KLHL8: variants seen among roughly 807,000 people sequenced by gnomAD.
The protein encoded by KLHL8 is kelch-like protein 8.
KLHL8 carries 38 observed loss-of-function variants against 63.5 expected under a neutral mutation model. That is an observed-to-expected ratio of 0.60 (90% CI 0.46 to 0.78). The LOEUF (loss-of-function observed/expected upper bound fraction) is 0.78. KLHL8 is among the 30% of genes least tolerant of loss of function. KLHL8 has a pLI of 0.00. For synonymous variants in KLHL8, 224 were observed against 254.3 expected (o/e 0.88, Z 1.13); for missense variants, 566 against 752.4 (o/e 0.75, Z 2.90).
At chr4:87,204,311 T>C (rs1381867092) in intron 1 of KLHL8, among the ~76,000 whole-genome samples, 3 of 151,276 alleles carry the variant, frequency 2.0e-5, no homozygotes, top group African/African-American at 7.3e-5. Context: ...CAATACCAAG[T>C]GCTGGTGAGG....
chr4:87,192,229 A>G (rs892428623), intron 2 of KLHL8, among the ~76,000 whole-genome samples: 2 of 152,182 alleles, frequency 1.3e-5, no homozygotes, highest in African/African-American at 4.8e-5. Flanking sequence ...CATTCCCACC[A>G]ACAGTGTATA....
At chr4:87,183,075 G>T (rs563851184) in intron 4 of KLHL8, 128 bp downstream of exon 4, 6 of 573,096 alleles carry the variant, frequency 1.0e-5, no homozygotes, top group African/African-American at 9.5e-5. Context: ...ATATAAAACC[G>T]TATTTGCCAA....
intron 1 of KLHL8, among the ~76,000 whole-genome samples, chr4:87,206,409 T>TC (rs1418798105): frequency 6.6e-6 from 1 of 152,228 alleles, no homozygotes; most frequent in Non-Finnish European, 1.5e-5. Flanking sequence ...TAGTCTACCT[T>TC]CCAGTCTTTT....
At chr4:87,236,453 C>T (rs991285099) in intron 1 of KLHL8, among the ~76,000 whole-genome samples, 16 of 151,872 alleles carry the variant, frequency 1.1e-4, no homozygotes, top group African/African-American at 3.6e-4. Context: ...ATGATCTGCC[C>T]GCCTCGGCCT....
rs1733002698 is a variant in KLHL8 at position 87,226,759 on chromosome 4, TTATATATAATATATATTATATATATAA to T, written n.58-5396_58-5370del. ...ATTATTTATATATAATATATATTATTTATATATAATATATATTATATATATAATATATATTATATATAATATATATTA... is the reference window on the plus strand; with the variant it reads ...ATTATTTATATATAATATATATTATTTATATATTATATATAATATATATTA... On this transcript the variant is annotated intron_variant and non_coding_transcript_variant, in intron 1 of 1. Transcript: ENST00000506274. Among the ~76,000 whole-genome samples the T allele has an allele frequency of 8.5e-4, 5 of 5,894 alleles. 2 individuals are homozygous for T. Among genetic ancestry groups the T allele is most frequent in the African/African-American group, 4.1e-3 (5 of 1,220 alleles). The allele number at this position is 5,894 out of a possible 152,430, so 3.9% of individuals were successfully genotyped here.
intron 1 of KLHL8, among the ~76,000 whole-genome samples, chr4:87,239,551 G>T (rs1733292387): frequency 6.6e-6 from 1 of 152,158 alleles, no homozygotes; most frequent in South Asian, 2.1e-4. Context: ...TAATAGATCA[G>T]AGAAAAGGTG....
Position 87,162,133 on chromosome 4 carries a change from A to G in KLHL8, c.*1386T>C, listed in dbSNP as rs1730198748. 1 of 152,210 alleles carries G rather than the reference A, an allele frequency of 6.6e-6. No individual in the cohort carries two copies. The highest frequency in any genetic ancestry group is 2.4e-5 in the African/African-American group (1 of 41,442). 9.4% of individuals were successfully genotyped at this position (152,210 alleles called of 1,614,324 possible). On this transcript the variant is annotated 3_prime_UTR_variant, in exon 10 of 10. Coordinates refer to ENST00000273963, the MANE Select transcript of KLHL8 (RefSeq NM_020803.5). Reference sequence around the variant, plus strand: ...AGCTTCCTTATGAACCAGATTACTGACCAGCGGTGAACTACAATAAATTCG... The same window carrying G: ...AGCTTCCTTATGAACCAGATTACTGGCCAGCGGTGAACTACAATAAATTCG...
intron 6 of KLHL8, among the ~76,000 whole-genome samples, chr4:87,176,324 A>G (rs1730815184): frequency 6.6e-6 from 1 of 152,216 alleles, no homozygotes; most frequent in Non-Finnish European, 1.5e-5. Flanking sequence ...ACTTCTTCCC[A>G]TAGATGCTAG....
At chr4:87,186,737 C>CCCAAGAGG (rs1453139471) in intron 2 of KLHL8, among the ~76,000 whole-genome samples, 4 of 152,098 alleles carry the variant, frequency 2.6e-5, no homozygotes, top group African/African-American at 7.2e-5. Flanking sequence ...ACTTTGGCCT[C>CCCAAGAGG]CCAAAGTGCT....
At chr4:87,187,681 CG>C (rs1560701550) in intron 2 of KLHL8, among the ~76,000 whole-genome samples, 1 of 151,938 alleles carries the variant, frequency 6.6e-6, no homozygotes, top group East Asian at 1.9e-4. Context: ...ATTTACTTCA[CG>C]TATTTTTTAT....
intron 1 of KLHL8, among the ~76,000 whole-genome samples, chr4:87,214,448 A>ATATG (rs1732520503): frequency 2.1e-5 from 2 of 97,358 alleles, no homozygotes; most frequent in Non-Finnish European, 4.1e-5. Context: ...ATATATATAT[A>ATATG]TATATATATA....
At chr4:87,214,415 GATATATATATAT>G (rs58112792) in intron 1 of KLHL8, among the ~76,000 whole-genome samples, 3,907 of 92,948 alleles carry the variant, frequency 0.042, 159 homozygotes, top group African/African-American at 0.092. Flanking sequence ...GCACATAACA[GATATATATATAT>G]ATATATATAT....
chr4:87,193,539 G>A (rs1432180711), intron 2 of KLHL8, among the ~76,000 whole-genome samples: 6 of 151,704 alleles, frequency 4.0e-5, no homozygotes, highest in Non-Finnish European at 8.8e-5. Context: ...CTTTTTTTAT[G>A]TAATGTTTCT....
intron 1 of KLHL8, among the ~76,000 whole-genome samples, chr4:87,231,514 C>T (rs1242507957): frequency 6.6e-6 from 1 of 152,134 alleles, no homozygotes; most frequent in African/African-American, 2.4e-5. Context: ...TTCACCCCAC[C>T]TGTGAACAGT....
At chr4:87,175,069 C>T (rs1169010639) in intron 6 of KLHL8, among the ~76,000 whole-genome samples, 1 of 152,168 alleles carries the variant, frequency 6.6e-6, no homozygotes, top group Non-Finnish European at 1.5e-5. Flanking sequence ...GATTATCATT[C>T]TCACATTTAT....
At chr4:87,227,111 C>T (rs1252425844) in intron 1 of KLHL8, among the ~76,000 whole-genome samples, 3 of 147,214 alleles carry the variant, frequency 2.0e-5, no homozygotes, top group Non-Finnish European at 4.4e-5. Context: ...ATAAATGCAA[C>T]ATGGCAGACC....
chr4:87,178,665 T>G (rs538841898), intron 4 of KLHL8, 45 bp from the exon 5 acceptor site: 2 of 1,466,680 alleles, frequency 1.4e-6, no homozygotes, highest in Non-Finnish European at 9.0e-7. Flanking sequence ...AGCTGCCAAG[T>G]TGAAAAAAAT....
intron 2 of KLHL8, among the ~76,000 whole-genome samples, chr4:87,194,843 A>C (rs920573293): frequency 6.6e-6 from 1 of 152,176 alleles, no homozygotes; most frequent in Non-Finnish European, 1.5e-5. Flanking sequence ...AAACAATCCC[A>C]CTTAACAGAT....
chr4:87,233,166 G>A (rs775759383), intron 1 of KLHL8, among the ~76,000 whole-genome samples: 70 of 151,900 alleles, frequency 4.6e-4, no homozygotes, highest in African/African-American at 8.5e-4. Context: ...TCAGCCTCCC[G>A]AGTAGCTGGG....
Sources: gnomAD v4.1 joint callset for allele counts (sites outside exome capture counted in the v4.1 genomes callset) on GRCh38, gnomAD v4.1.1 for gene constraint, MANE v1.5 for transcripts, NCBI Gene and HGNC (gene_info 2026-07-23, HGNC 2026-07-21) for gene names.